FTCDNL1: variants seen among roughly 807,000 people sequenced by gnomAD.
The protein encoded by FTCDNL1 is formiminotransferase cyclodeaminase N-terminal like, also known as formiminotransferase N-terminal subdomain-containing protein.
Under a neutral mutation model 5.9 loss-of-function variants are expected in FTCDNL1, and 11 were observed. The ratio of observed to expected loss-of-function variants is 1.87; its 90% CI spans 1.18 to 3.10. The LOEUF (loss-of-function observed/expected upper bound fraction) is 3.10. Among genes scored for constraint, FTCDNL1 ranks in the 30% most tolerant of loss-of-function variants. The pLI, the probability that FTCDNL1 is intolerant of heterozygous loss-of-function variation, is 0.00. For synonymous variants in FTCDNL1, 58 were observed against 24.8 expected (o/e 2.34, Z -3.99); for missense variants, 115 against 65.5 (o/e 1.76, Z -2.61).
chr2:199,671,983 T>G, the FTCDNL1 span, among the ~76,000 whole-genome samples: 1 of 152,158 alleles, frequency 6.6e-6, no homozygotes, highest in Non-Finnish European at 1.5e-5. Context: ...TGGGGTGGGA[T>G]CACAGTGTCA....
chr2:199,684,715 A>G, the FTCDNL1 span, among the ~76,000 whole-genome samples: 5 of 152,220 alleles, frequency 3.3e-5, no homozygotes, highest in African/African-American at 1.2e-4. Context: ...TAGATGGCAG[A>G]GGGGAGTGTG....
chr2:199,738,400 G>A, the FTCDNL1 span, among the ~76,000 whole-genome samples: 1 of 152,192 alleles, frequency 6.6e-6, no homozygotes, highest in South Asian at 2.1e-4. Context: ...TATTAATAAA[G>A]AGCCTGGTTT....
chr2:199,739,777 A>G, the FTCDNL1 span, among the ~76,000 whole-genome samples: 1 of 152,240 alleles, frequency 6.6e-6, no homozygotes. Context: ...GCATGCTGCC[A>G]TAAAGTCCCC....
chr2:199,713,397 C>G, the FTCDNL1 span, among the ~76,000 whole-genome samples: 1 of 152,104 alleles, frequency 6.6e-6, no homozygotes, highest in African/African-American at 2.4e-5. Flanking sequence ...GAGCCTGCAA[C>G]CAAGCCCCAC....
chr2:199,848,870 T>C lies in FTCDNL1; in HGVS notation c.93A>G (p.Lys31=). ...GRKYIVENIA[K]AALLDKNGKK... ...TACCATTTTTGTCAAGAAGAGCTGCTTTTGCTATGTTCTCAACAATGTATT... is the reference window on the plus strand; with the variant it reads ...TACCATTTTTGTCAAGAAGAGCTGCCTTTGCTATGTTCTCAACAATGTATT... The change falls in exon 2 of 5, where the codon AAA becomes AAG. Residue 31 remains lysine (K), a synonymous_variant. Coordinates refer to ENST00000420128, the MANE Select transcript of FTCDNL1 (RefSeq NM_001363886.2). 1 of 701,886 alleles carries C rather than the reference T, an allele frequency of 1.4e-6. No individual in the cohort carries two copies. Among genetic ancestry groups the C allele is most frequent in the Non-Finnish European group, 2.6e-6 (1 of 384,696 alleles). 43.5% of individuals were successfully genotyped at this position (701,886 alleles called of 1,614,324 possible).
At chr2:199,751,922 G>A in the FTCDNL1 span, among the ~76,000 whole-genome samples, 1 of 151,900 alleles carries the variant, frequency 6.6e-6, no homozygotes, top group East Asian at 1.9e-4. Context: ...GGCCAGTTAG[G>A]ACATTTCATA....
chr2:199,725,575 G>T, the FTCDNL1 span, among the ~76,000 whole-genome samples: 2 of 152,152 alleles, frequency 1.3e-5, no homozygotes, highest in Non-Finnish European at 2.9e-5. Context: ...TGCAAGGCAG[G>T]CCTGGTGGTG....
intron 3 of FTCDNL1, among the ~76,000 whole-genome samples, chr2:199,779,887 C>T (rs1013001789): frequency 2.0e-5 from 3 of 152,202 alleles, no homozygotes; most frequent in Middle Eastern, 3.2e-3. Context: ...AAAGAACAAA[C>T]ATGCAAGACA....
At chr2:199,751,685 C>A in the FTCDNL1 span, among the ~76,000 whole-genome samples, 1 of 150,980 alleles carries the variant, frequency 6.6e-6, no homozygotes, top group Non-Finnish European at 1.5e-5. Flanking sequence ...ACCCCACCCC[C>A]ACCCTTCATT....
At chr2:199,778,936 T>C (rs1439589626) in intron 3 of FTCDNL1, among the ~76,000 whole-genome samples, 3 of 152,172 alleles carry the variant, frequency 2.0e-5, no homozygotes, top group East Asian at 1.9e-4. Flanking sequence ...TCAGTAGACA[T>C]GAGTACCAAA....
intron 4 of FTCDNL1, 58 bp from the exon 5 acceptor site, chr2:199,812,782 A>G: frequency 1.5e-6 from 1 of 681,098 alleles, no homozygotes; most frequent in South Asian, 1.6e-5. Flanking sequence ...TGCTTTAATG[A>G]AAAATTTATC....
chr2:199,734,699 G>A, the FTCDNL1 span, among the ~76,000 whole-genome samples: 1 of 152,116 alleles, frequency 6.6e-6, no homozygotes, highest in South Asian at 2.1e-4. Flanking sequence ...TGGTTCCTGA[G>A]AATACAGAAT....
intron 3 of FTCDNL1, among the ~76,000 whole-genome samples, chr2:199,800,057 A>T (rs993945207): frequency 6.6e-6 from 1 of 152,202 alleles, no homozygotes; most frequent in Non-Finnish European, 1.5e-5. Flanking sequence ...TAATCACAGT[A>T]TAATCACTTT....
At chr2:199,728,876 G>T in the FTCDNL1 span, among the ~76,000 whole-genome samples, 1 of 152,210 alleles carries the variant, frequency 6.6e-6, no homozygotes, top group African/African-American at 2.4e-5. Context: ...TGATTAATAT[G>T]TGCTTATTTC....
the FTCDNL1 span, among the ~76,000 whole-genome samples, chr2:199,726,751 T>A: frequency 5.9e-5 from 9 of 152,260 alleles, no homozygotes; most frequent in Admixed American, 4.6e-4. Context: ...AATGGAGGCT[T>A]CAGAACAGCA....
intron 3 of FTCDNL1, among the ~76,000 whole-genome samples, chr2:199,836,074 G>A (rs1702716486): frequency 6.6e-6 from 1 of 152,190 alleles, no homozygotes; most frequent in African/African-American, 2.4e-5. Flanking sequence ...GAAGTGTATA[G>A]TCAGGCAGCA....
chr2:199,789,341 T>G (rs192388857), intron 3 of FTCDNL1, among the ~76,000 whole-genome samples: 22 of 152,266 alleles, frequency 1.4e-4, no homozygotes, highest in African/African-American at 4.3e-4. Flanking sequence ...TACATCAACA[T>G]AATCCCTTAC....
Position 199,813,641 on chromosome 2 carries a change from G to A in FTCDNL1, c.398-917C>T, listed in dbSNP as rs111526949. 8.6e-3 allele frequency among the ~76,000 whole-genome samples: 1,307 copies of A among 152,212 alleles called. 9 individuals carry two copies. Among genetic ancestry groups the A allele is most frequent in the Non-Finnish European group, 0.014 (926 of 68,016 alleles). Reference sequence around the variant, plus strand: ...AATACTTTGTTACCAGGCTGGGTGCGGTGGATCATACCTATAATCCCAGCA... The same window carrying A: ...AATACTTTGTTACCAGGCTGGGTGCAGTGGATCATACCTATAATCCCAGCA... On this transcript the variant is annotated intron_variant, in intron 4 of 4. Transcript: ENST00000420128.
chr2:199,744,889 C>A, the FTCDNL1 span, among the ~76,000 whole-genome samples: 3 of 152,216 alleles, frequency 2.0e-5, no homozygotes, highest in Non-Finnish European at 4.4e-5. Context: ...AATTTGGCCA[C>A]AGGCAAGAGA....
Sources: gnomAD v4.1 joint callset for allele counts (sites outside exome capture counted in the v4.1 genomes callset) on GRCh38, gnomAD v4.1.1 for gene constraint, MANE v1.5 for transcripts, NCBI Gene and HGNC (gene_info 2026-07-23, HGNC 2026-07-21) for gene names.